The following RGS6 variants were observed in gnomAD, a reference collection of about 807,000 sequenced individuals.
The protein encoded by RGS6 is regulator of G protein signaling 6.
Under a neutral mutation model 78.5 loss-of-function variants are expected in RGS6, and 30 were observed. The observed-to-expected ratio is 0.38, with a 90% CI of 0.29 to 0.52. The LOEUF (loss-of-function observed/expected upper bound fraction) is 0.52. Ranked by LOEUF, RGS6 falls within the 20% of genes least tolerant of loss-of-function variation. The pLI is 0.85. For synonymous variants in RGS6, 206 were observed against 206.0 expected (o/e 1.00, Z 0.00); for missense variants, 495 against 609.7 (o/e 0.81, Z 1.98).
chr14:72,250,676 A>C (rs1468698228), intron 2 of RGS6, among the ~76,000 whole-genome samples: 3 of 152,280 alleles, frequency 2.0e-5, no homozygotes, highest in Admixed American at 1.3e-4. Context: ...ATTGAATTGG[A>C]ATTTGGTAGG....
chr14:72,454,861 A>G (rs180719257), intron 4 of RGS6, among the ~76,000 whole-genome samples: 12 of 152,384 alleles, frequency 7.9e-5, no homozygotes, highest in African/African-American at 2.6e-4. Flanking sequence ...AGCTGCAGCA[A>G]TTAAAGATAA....
At chr14:72,481,805 CTTTTT>C (rs34462310) in intron 12 of RGS6, among the ~76,000 whole-genome samples, 1 of 120,074 alleles carries the variant, frequency 8.3e-6, no homozygotes, top group Non-Finnish European at 1.6e-5. Flanking sequence ...TTTATTTTAA[CTTTTT>C]TTTTTTTTTT....
chr14:72,265,772 G>C (rs1429447115), intron 2 of RGS6, among the ~76,000 whole-genome samples: 1 of 152,038 alleles, frequency 6.6e-6, no homozygotes, highest in Non-Finnish European at 1.5e-5. Flanking sequence ...ACCTGAGCTA[G>C]AGCCCTGCTT....
At chr14:72,547,456 A>C in intron 17 of RGS6, 1 of 777,538 alleles carries the variant, frequency 1.3e-6, no homozygotes, top group Non-Finnish European at 2.1e-6. Flanking sequence ...TAAAATAGTG[A>C]TGAGTGTCCC....
intron 2 of RGS6, among the ~76,000 whole-genome samples, chr14:72,169,376 G>C (rs1185608826): frequency 6.6e-6 from 1 of 152,210 alleles, no homozygotes; most frequent in South Asian, 2.1e-4. Context: ...TCTAGAGAAG[G>C]AAACTTTTAG....
chr14:72,194,785 G>A (rs1488164185), intron 2 of RGS6, among the ~76,000 whole-genome samples: 1 of 152,222 alleles, frequency 6.6e-6, no homozygotes, highest in Non-Finnish European at 1.5e-5. Context: ...GAGGGACCCT[G>A]GGGCAGGGGA....
chr14:72,195,160 A>G (rs971093490), intron 2 of RGS6, among the ~76,000 whole-genome samples: 1 of 152,094 alleles, frequency 6.6e-6, no homozygotes, highest in Admixed American at 6.6e-5. Flanking sequence ...GTGAGCCGAG[A>G]TCGCACCACT....
At position 71,947,428 on chromosome 14, in the gene RGS6, T is replaced by A. The variant is rs549179693; in HGVS notation, c.-21+14487T>A. Among the ~76,000 whole-genome samples, 4 of 152,296 alleles carry A rather than the reference T, an allele frequency of 2.6e-5. No homozygotes were observed. In the East Asian group the frequency reaches 7.7e-4, roughly 29 times the overall value. ...CAAAAATCACTTCCGCTGCCTGCCATCTGCCTTAAAACCCCCTCCCCCACT... is the reference window on the plus strand; with the variant it reads ...CAAAAATCACTTCCGCTGCCTGCCAACTGCCTTAAAACCCCCTCCCCCACT... On this transcript the variant is annotated intron_variant, in intron 1 of 17. Coordinates refer to ENST00000553525, the MANE Select transcript of RGS6 (RefSeq NM_001204424.2).
intron 3 of RGS6, among the ~76,000 whole-genome samples, chr14:72,419,914 A>G (rs925306164): frequency 6.6e-6 from 1 of 152,226 alleles, no homozygotes; most frequent in Admixed American, 6.5e-5. Context: ...GGAGAGAAGT[A>G]GAGCAAAATG....
chr14:72,513,120 A>T (rs1428223260), intron 14 of RGS6, among the ~76,000 whole-genome samples: 1 of 152,248 alleles, frequency 6.6e-6, no homozygotes, highest in East Asian at 1.9e-4. Flanking sequence ...TAAATTACAA[A>T]GTGCTTCTCC....
At chr14:72,325,944 G>C (rs2073631260) in intron 2 of RGS6, among the ~76,000 whole-genome samples, 1 of 152,124 alleles carries the variant, frequency 6.6e-6, no homozygotes, top group African/African-American at 2.4e-5. Context: ...ATCTTTGGTG[G>C]ACCCATGAAT....
At chr14:71,892,943 G>A in the RGS6 span, among the ~76,000 whole-genome samples, 2 of 152,320 alleles carry the variant, frequency 1.3e-5, no homozygotes, top group East Asian at 1.9e-4. Context: ...TGAAGAGATG[G>A]CCCAAGCCAG....
chr14:71,898,605 C>G, the RGS6 span, among the ~76,000 whole-genome samples: 4 of 152,148 alleles, frequency 2.6e-5, no homozygotes, highest in South Asian at 8.3e-4. Flanking sequence ...ACCCATCAAC[C>G]CATCATCCAG....
At chr14:72,342,776 C>T (rs912112782) in intron 2 of RGS6, among the ~76,000 whole-genome samples, 5 of 150,206 alleles carry the variant, frequency 3.3e-5, no homozygotes, top group South Asian at 4.3e-4. Flanking sequence ...CTCTAAGCCA[C>T]CCATCTAATT....
intron 3 of RGS6, among the ~76,000 whole-genome samples, chr14:72,443,959 G>A (rs1277985579): frequency 6.6e-6 from 1 of 152,194 alleles, no homozygotes; most frequent in Non-Finnish European, 1.5e-5. Context: ...CCTAATCAAT[G>A]TAGCCCATAC....
intron 6 of RGS6, among the ~76,000 whole-genome samples, chr14:72,464,254 A>G (rs992859941): frequency 6.6e-6 from 1 of 152,224 alleles, no homozygotes; most frequent in African/African-American, 2.4e-5. Context: ...GTTCCAAACC[A>G]TTCAACTGAG....
At chr14:72,592,040 T>C in the RGS6 span, among the ~76,000 whole-genome samples, 1 of 152,190 alleles carries the variant, frequency 6.6e-6, no homozygotes, top group African/African-American at 2.4e-5. Flanking sequence ...CAAAGATGAA[T>C]AGCAACAAAC....
At chr14:72,403,877 T>C (rs148570338) in intron 3 of RGS6, among the ~76,000 whole-genome samples, 1 of 152,320 alleles carries the variant, frequency 6.6e-6, no homozygotes, top group African/African-American at 2.4e-5. Context: ...AAGAAAATTA[T>C]GTTTAATTTC....
At chr14:72,290,247 C>T (rs1204539959) in intron 2 of RGS6, among the ~76,000 whole-genome samples, 1 of 152,224 alleles carries the variant, frequency 6.6e-6, no homozygotes, top group East Asian at 1.9e-4. Context: ...AAACCCTATT[C>T]AGTGTTTGGG....
Sources: gnomAD v4.1 joint callset for allele counts (sites outside exome capture counted in the v4.1 genomes callset) on GRCh38, gnomAD v4.1.1 for gene constraint, MANE v1.5 for transcripts, NCBI Gene and HGNC (gene_info 2026-07-23, HGNC 2026-07-21) for gene names.